Variants in ASMT observed in about 807,000 individuals in gnomAD.
The protein encoded by ASMT is acetylserotonin N-methyltransferase.
A neutral mutation model predicts 41.3 loss-of-function variants in ASMT; 53 were observed. The ratio of observed to expected loss-of-function variants is 1.28; its 90% confidence interval spans 1.03 to 1.61. The LOEUF is 1.61. Among genes scored for constraint, ASMT ranks in the 40% most tolerant of loss-of-function variants. The probability of loss-of-function intolerance (pLI) is 0.00; values close to 1 mark genes in which losing one functional copy is unlikely to be tolerated. For synonymous variants in ASMT, 231 were observed against 184.8 expected (o/e 1.25, Z -2.03); for missense variants, 531 against 441.3 (o/e 1.20, Z -1.82).
chrX:1,628,936 C>G (rs1422713473), intron 4 of ASMT, among the ~76,000 whole-genome samples: 2 of 127,194 alleles, frequency 1.6e-5, no homozygotes, highest in South Asian at 2.5e-4. Flanking sequence ...CTTTCTTTCT[C>G]TCTCTCTTTC....
chrX:1,632,770 G>T lies in ASMT; in HGVS notation c.629G>T (p.Arg210Leu). ...TCGCAAGGACAGAAAACCAAACACC[G>T]CGTGTTCTCACTCATAGGTGGGAAC... ...KLSQGQKTKH[R>L]VFSLIGGAGA... is the part of the protein sequence containing the mutation. The change falls in exon 6 of 9, where the codon CGC (arginine) becomes CTC (leucine). Residue 210 changes from arginine (R) to leucine (L), a missense_variant. Physicochemically the swap from Arg to Leu is moderately radical, Grantham distance 102 (BLOSUM62 -2). Transcript: ENST00000381241. 1 of 353,354 alleles carries T rather than the reference G, an allele frequency of 2.8e-6. No homozygotes were observed. Among genetic ancestry groups the T allele is most frequent in the Non-Finnish European group, 5.4e-6 (1 of 185,886 alleles). The allele number at this position is 353,354 out of a possible 1,614,324, so 21.9% of individuals were successfully genotyped here. A position where few individuals can be genotyped will look rare whatever the true frequency, so the allele number is the denominator to read the frequency against.
chrX:1,642,446 T>C (rs1481626398), intron 8 of ASMT, among the ~76,000 whole-genome samples: 1 of 144,508 alleles, frequency 6.9e-6, no homozygotes, highest in Non-Finnish European at 1.5e-5. Flanking sequence ...ATGAGGACAG[T>C]GTCCCAGTGT....
chrX:1,635,886 C>T (rs763616760), intron 7 of ASMT, among the ~76,000 whole-genome samples: 99 of 149,416 alleles, frequency 6.6e-4, no homozygotes, highest in African/African-American at 2.4e-3. Context: ...AACAAAAAAA[C>T]AAAAAAGAAA....
chrX:1,632,890 C>T (rs1185056789), intron 6 of ASMT, 103 bp downstream of exon 6: 7 of 573,826 alleles, frequency 1.2e-5, no homozygotes, highest in African/African-American at 3.7e-5. Context: ...AGGGAGAGCA[C>T]TAGGACAAAT....
rs762250798 is a variant in ASMT at position 1,642,209 on chromosome X, C to T, written c.911-594C>T. 5.0e-5 allele frequency among the ~76,000 whole-genome samples: 7 copies of T among 138,724 alleles called. No homozygotes were observed. The South Asian group carries it at 1.2e-3, about 23-fold the overall frequency. The allele number at this position is 138,724 out of a possible 152,430, so 91.0% of individuals were successfully genotyped here. On this transcript the variant is annotated intron_variant, in intron 8 of 8. Coordinates refer to ENST00000381241, the MANE Select transcript of ASMT (RefSeq NM_001171038.2). The stretch of plus-strand genomic sequence containing the variant: ...GTGTGTGATAAGGACAGTGTTCCAG[C>T]TCTCCTGTGAGGTCCACCCATCTTG...
At chrX:1,635,760 G>T (rs1452733392) in intron 7 of ASMT, among the ~76,000 whole-genome samples, 4 of 151,744 alleles carry the variant, frequency 2.6e-5, no homozygotes, top group African/African-American at 9.7e-5. Context: ...TACTCAGGAG[G>T]CTGAGGCAGG....
Position 1,615,277 on chromosome X carries a change from C to G in ASMT, c.69+9C>G, listed in dbSNP as rs1351811821. 6.3e-7 allele frequency: 1 copy of G among 1,586,012 alleles called. No homozygotes were observed. ...GCTTCATGGTGTCCCAGGTAGGATA[C>G]GCTCTGTGGGACAAGGGGGAATAGA... is the stretch of plus-strand genomic sequence containing the variant. On this transcript the variant is annotated intron_variant, in intron 1 of 8. Coordinates refer to ENST00000381241, the MANE Select transcript of ASMT (RefSeq NM_001171038.2).
At chrX:1,618,568 A>G (rs1405910533) in intron 1 of ASMT, among the ~76,000 whole-genome samples, 1 of 151,276 alleles carries the variant, frequency 6.6e-6, no homozygotes, top group Non-Finnish European at 1.5e-5. Context: ...CCAAAGTGCT[A>G]GGATGACGGG....
chrX:1,642,703 C>G (rs2067664845), intron 8 of ASMT, 100 bp from the exon 9 acceptor site: 2 of 1,091,614 alleles, frequency 1.8e-6, no homozygotes, highest in Non-Finnish European at 1.4e-6. Flanking sequence ...GGTGCCCTGA[C>G]TGTCCTCTGA....
chrX:1,628,605 C>CCCCTCTCTTCTCCTTCTGTCCTGTT (rs1337204545), intron 4 of ASMT, among the ~76,000 whole-genome samples: 5 of 149,892 alleles, frequency 3.3e-5, no homozygotes, highest in Non-Finnish European at 7.4e-5. Flanking sequence ...GCTCTCCCCT[C>CCCCTCTCTTCTCCTTCTGTCCTGTT]CCCTCTCTTC....
intron 7 of ASMT, among the ~76,000 whole-genome samples, chrX:1,635,668 C>G (rs1934931375): frequency 6.6e-6 from 1 of 151,996 alleles, no homozygotes; most frequent in South Asian, 2.1e-4. Flanking sequence ...TCGAGACCAG[C>G]CTCAGCAACA....
At position 1,629,986 on chromosome X, in the gene ASMT, T is replaced by C. The variant is rs774337929; in HGVS notation, c.562+47T>C. 11 of 1,445,330 alleles carry C rather than the reference T, an allele frequency of 7.6e-6. 1 individual carries two copies. The South Asian group carries it at 1.0e-4, about 13-fold the overall frequency. The allele number at this position is 1,445,330 out of a possible 1,614,324, so 89.5% of individuals were successfully genotyped here. The stretch of plus-strand genomic sequence containing the variant: ...TACCTCGGAGGTGTGGCTTCTGTTC[T>C]GTATGGGGAATGTGTTATTCATGTC... On this transcript the variant is annotated intron_variant, in intron 5 of 8. Coordinates refer to ENST00000381241, the MANE Select transcript of ASMT (RefSeq NM_001171038.2).
chrX:1,635,633 G>T (rs190239716), intron 7 of ASMT, among the ~76,000 whole-genome samples: 1 of 151,906 alleles, frequency 6.6e-6, no homozygotes, highest in South Asian at 2.1e-4. Context: ...AGGCCGAGGC[G>T]GGCGGATCAC....
At position 1,642,977 on chromosome X, in the gene ASMT, CAGG is replaced by C. The variant is rs1407742659; in HGVS notation, c.1088_1090del (p.Gly363del). On this transcript the variant is annotated inframe_deletion, in exon 9 of 9. Transcript: ENST00000381241. ...TTCAGAGACTTCCAGTTTAAGAAAA[CAGG>C]AGCCATTTATGATGCCATTTTAGCC... 5 of 1,613,966 alleles carry C rather than the reference CAGG, an allele frequency of 3.1e-6. No homozygotes were observed. The highest frequency in any genetic ancestry group is 1.3e-5 in the African/African-American group (1 of 75,040).
At chrX:1,625,253 C>T (rs1226564944) in intron 3 of ASMT, among the ~76,000 whole-genome samples, 8 of 151,706 alleles carry the variant, frequency 5.3e-5, no homozygotes, top group Admixed American at 2.6e-4. Context: ...TACAGGAACC[C>T]GCCACCACAC....
At chrX:1,623,618 C>T (rs1325164775) in intron 2 of ASMT, among the ~76,000 whole-genome samples, 1 of 152,034 alleles carries the variant, frequency 6.6e-6, no homozygotes, top group African/African-American at 2.4e-5. Flanking sequence ...GTTTGGGGGT[C>T]GTGTGGTTTT....
intron 7 of ASMT, among the ~76,000 whole-genome samples, chrX:1,633,973 G>C (rs866801131): frequency 6.7e-6 from 1 of 148,726 alleles, no homozygotes; most frequent in East Asian, 1.9e-4. Context: ...GGGTTTCACC[G>C]TGTTGACCAG....
At chrX:1,615,631 C>T (rs1185199214) in intron 1 of ASMT, among the ~76,000 whole-genome samples, 4 of 151,900 alleles carry the variant, frequency 2.6e-5, no homozygotes, top group Non-Finnish European at 4.4e-5. Context: ...AGAGAAACCC[C>T]ATCTCTACTA....
rs774754543 is a variant in ASMT, at chrX:1,634,832, A to AT, written c.787+1548dup. 4.6e-5 allele frequency among the ~76,000 whole-genome samples: 7 copies of AT among 151,690 alleles called. No individual in the cohort carries two copies. The East Asian group carries it at 1.4e-3, about 30-fold the overall frequency. On this transcript the variant is annotated intron_variant, in intron 7 of 8. Transcript: ENST00000381241. ...AGGTGCCTATCACCATGCCTGGCTA[A>AT]TTTTTTGTATTTTTAGTAGAGACAG...
Sources: gnomAD v4.1 joint callset for allele counts (sites outside exome capture counted in the v4.1 genomes callset) on GRCh38, gnomAD v4.1.1 for gene constraint, MANE v1.5 for transcripts, NCBI Gene and HGNC (gene_info 2026-07-23, HGNC 2026-07-21) for gene names.